Variants in DNAH8 observed in about 807,000 individuals in gnomAD.
DNAH8 encodes axonemal beta dynein heavy chain 8.
In DNAH8, 382 loss-of-function variants were observed where a neutral mutation model predicts 562.1. The ratio of observed to expected loss-of-function variants is 0.68; its 90% CI spans 0.63 to 0.74. DNAH8 has a LOEUF of 0.74. Among genes scored for constraint, DNAH8 ranks in the 30% least tolerant of loss-of-function variants. The pLI is 0.00. For missense variants in DNAH8, 5,203 were observed against 5,620.4 expected (o/e 0.93, Z 2.37); for synonymous variants, 1,881 against 1,919.4 (o/e 0.98, Z 0.52).
intron 26 of DNAH8, among the ~76,000 whole-genome samples, chr6:38,821,915 A>G (rs1160826995): frequency 6.6e-6 from 1 of 152,202 alleles, no homozygotes; most frequent in Non-Finnish European, 1.5e-5. Context: ...AGCCCTCATT[A>G]TTAGAACTGA....
intron 73 of DNAH8, chr6:38,924,865 T>A (rs1781985133): frequency 6.6e-6 from 1 of 152,226 alleles, no homozygotes; most frequent in Non-Finnish European, 1.5e-5. Context: ...CGTAACAGAA[T>A]AGCATGTTCT....
At position 38,918,892 on chromosome 6, in the gene DNAH8, G is replaced by T. The variant is rs151099967; in HGVS notation, c.10524+752G>T. 3.0e-3 allele frequency among the ~76,000 whole-genome samples: 462 copies of T among 152,228 alleles called. 3 individuals carry two copies. The highest frequency in any genetic ancestry group is 0.011 in the African/African-American group (440 of 41,540). The stretch of plus-strand genomic sequence containing the variant: ...GGAATGGATAATGAGGAGTCGGTGG[G>T]CAGGGGGTTACTGTTTTTCATAAGC... On this transcript the variant is annotated intron_variant, in intron 70 of 92. Coordinates refer to ENST00000327475, the MANE Select transcript of DNAH8 (RefSeq NM_001206927.2).
At position 38,780,067 on chromosome 6, in the gene DNAH8, C is replaced by A. The variant is rs745572692; in HGVS notation, c.2139+2C>A. 1.2e-6 allele frequency: 2 copies of A among 1,612,206 alleles called. No homozygotes were observed. Among genetic ancestry groups the A allele is most frequent in the South Asian group, 2.2e-5 (2 of 90,886 alleles). On this transcript the variant is annotated splice_donor_variant, in intron 15 of 92. Coordinates refer to ENST00000327475, the MANE Select transcript of DNAH8 (RefSeq NM_001206927.2). LOFTEE classifies it high-confidence loss of function. ...GCTGAACTTGATGCTACTAAGAAGGCAAGTGTCATGTTTATAAATAAAATG... is the reference window on the plus strand; with the variant it reads ...GCTGAACTTGATGCTACTAAGAAGGAAAGTGTCATGTTTATAAATAAAATG...
chr6:38,966,299 G>C (rs1762966478), intron 82 of DNAH8, among the ~76,000 whole-genome samples: 1 of 152,128 alleles, frequency 6.6e-6, no homozygotes, highest in Admixed American at 6.5e-5. Flanking sequence ...AGAAGATGTA[G>C]AAAATCTGAA....
intron 82 of DNAH8, 123 bp downstream of exon 82, chr6:38,951,643 A>C (rs1416488782): frequency 1.2e-6 from 1 of 835,738 alleles, no homozygotes; most frequent in Non-Finnish European, 1.9e-6. Flanking sequence ...AAAAATATTA[A>C]ACTTATTCCT....
At position 38,946,538 on chromosome 6, in the gene DNAH8, C is replaced by T. The variant is rs146449569; in HGVS notation, c.12129+950C>T. 7.2e-3 allele frequency among the ~76,000 whole-genome samples: 1,099 copies of T among 152,264 alleles called. 10 individuals carry two copies. The highest frequency in any genetic ancestry group is 0.023 in the African/African-American group (969 of 41,544). Reference sequence around the variant, plus strand: ...AAAGAAAGTGATCTTGGGCTGGGCCCGATGGTTCACGCCTGTAATCCCAGC... The same window carrying T: ...AAAGAAAGTGATCTTGGGCTGGGCCTGATGGTTCACGCCTGTAATCCCAGC... On this transcript the variant is annotated intron_variant, in intron 80 of 92. Coordinates refer to ENST00000327475, the MANE Select transcript of DNAH8 (RefSeq NM_001206927.2).
At chr6:39,025,774 AAT>A (rs748182374) in intron 91 of DNAH8, among the ~76,000 whole-genome samples, 80 of 152,350 alleles carry the variant, frequency 5.3e-4, no homozygotes, top group South Asian at 1.0e-3. Context: ...TATGATTTTT[AAT>A]ATTTACATGG....
Position 38,999,397 on chromosome 6 carries a change from G to GCTTT in DNAH8, c.13214+9227_13214+9228insTTCT, listed in dbSNP as rs549856831. ...AGCACCTGAGAATTTGGATATGGGG[G>GCTTT]CTGTTTTTTTTTTTTTGTAGCTAGA... On this transcript the variant is annotated intron_variant, in intron 88 of 92. Transcript: ENST00000327475. 2.0e-3 allele frequency among the ~76,000 whole-genome samples: 299 copies of GCTTT among 149,380 alleles called. 1 individual carries two copies. Among genetic ancestry groups the GCTTT allele is most frequent in the African/African-American group, 6.8e-3 (281 of 41,206 alleles).
chr6:38,870,619 G>C, intron 49 of DNAH8, 57 bp downstream of exon 49: 2 of 1,512,820 alleles, frequency 1.3e-6, no homozygotes, highest in Non-Finnish European at 9.0e-7. Flanking sequence ...AAACATTCCT[G>C]TCTGAATAGA....
intron 57 of DNAH8, 95 bp from the exon 58 acceptor site, chr6:38,890,557 G>C: frequency 1.1e-6 from 1 of 887,898 alleles, no homozygotes; most frequent in Non-Finnish European, 1.8e-6. Flanking sequence ...ACAACACCCA[G>C]CTTAGTCAGC....
At chr6:38,864,703 G>T (rs922426682) in intron 45 of DNAH8, among the ~76,000 whole-genome samples, 4 of 152,130 alleles carry the variant, frequency 2.6e-5, no homozygotes, top group African/African-American at 9.6e-5. Context: ...TGGGGTGGGG[G>T]AAAACGTGCC....
chr6:38,752,106 T>C (rs1275870481), intron 9 of DNAH8, among the ~76,000 whole-genome samples: 1 of 152,208 alleles, frequency 6.6e-6, no homozygotes, highest in Non-Finnish European at 1.5e-5. Flanking sequence ...TTTTCCACTT[T>C]ACTATGTTGC....
intron 30 of DNAH8, among the ~76,000 whole-genome samples, chr6:38,829,386 T>C (rs2150349428): frequency 6.6e-6 from 1 of 152,314 alleles, no homozygotes; most frequent in Middle Eastern, 3.4e-3. Flanking sequence ...GTTTTTGGTA[T>C]GTTATCTGGG....
intron 82 of DNAH8, among the ~76,000 whole-genome samples, chr6:38,962,334 A>G (rs886800352): frequency 2.6e-4 from 40 of 152,156 alleles, no homozygotes; most frequent in African/African-American, 9.4e-4. Flanking sequence ...AATAGCTAAG[A>G]AAGCTTGAAA....
chr6:38,913,924 TG>T lies in DNAH8; in HGVS notation c.9937del (p.Ala3313GlnfsTer5), dbSNP rs1781097688. The T allele has an allele frequency of 6.2e-7, 1 of 1,612,788 alleles. No individual in the cohort carries two copies. The highest frequency in any genetic ancestry group is 1.7e-5 in the Admixed American group (1 of 59,972). On this transcript the variant is annotated frameshift_variant, in exon 67 of 93. Transcript: ENST00000327475. LOFTEE classifies it high-confidence loss of function. The stretch of plus-strand genomic sequence containing the variant: ...GATCTTGCAGTCAAGGAGAAGGAGT[TG>T]GCAGTGGCTTCCATAAAAGCAGACG... ...SQDLAVKEKE[L>X]AVASIKADEV...
intron 67 of DNAH8, among the ~76,000 whole-genome samples, chr6:38,914,470 G>A (rs900966605): frequency 7.1e-6 from 1 of 140,136 alleles, no homozygotes; most frequent in Non-Finnish European, 1.5e-5. Flanking sequence ...GCGTGATCTC[G>A]GCTCACTGCA....
chr6:38,826,002 C>T (rs1364344460), intron 28 of DNAH8, among the ~76,000 whole-genome samples, 154 bp from the exon 29 acceptor site: 2 of 152,036 alleles, frequency 1.3e-5, no homozygotes, highest in African/African-American at 2.4e-5. Context: ...ATCTAGTAAC[C>T]TTATAGCACA....
intron 7 of DNAH8, among the ~76,000 whole-genome samples, chr6:38,741,451 T>TC (rs1253967065): frequency 9.9e-4 from 121 of 122,652 alleles, no homozygotes; most frequent in African/African-American, 3.4e-3. Context: ...AAAAACTACC[T>TC]CCCCCCCGAC....
intron 83 of DNAH8, chr6:38,971,990 T>G (rs1329998216): frequency 1.5e-5 from 3 of 200,612 alleles, no homozygotes; most frequent in African/African-American, 6.9e-5. Flanking sequence ...ACTTAAGGAG[T>G]GACAGATTGA....
Sources: allele counts gnomAD v4.1 joint callset (sites outside exome capture counted in the v4.1 genomes callset), GRCh38; gene constraint gnomAD v4.1.1; transcripts MANE v1.5; gene names NCBI Gene and HGNC (gene_info 2026-07-23, HGNC 2026-07-21).